GPC1: variants seen among roughly 807,000 people sequenced by gnomAD.
GPC1 encodes the protein glypican-1.
GPC1 carries 26 observed loss-of-function variants against 51.5 expected under a neutral mutation model. The ratio of observed to expected loss-of-function variants is 0.50; its 90% CI spans 0.37 to 0.70. The LOEUF is 0.70. Among genes scored for constraint, GPC1 ranks in the 30% least tolerant of loss-of-function variants. The probability of loss-of-function intolerance (pLI) is 0.00; values close to 1 mark genes in which losing one functional copy is unlikely to be tolerated. For missense variants in GPC1, 775 were observed against 800.5 expected (o/e 0.97, Z 0.38); for synonymous variants, 380 against 348.3 (o/e 1.09, Z -1.01).
intron 1 of GPC1, among the ~76,000 whole-genome samples, chr2:240,439,650 C>T (rs1480997631): frequency 6.6e-6 from 1 of 152,222 alleles, no homozygotes; most frequent in Non-Finnish European, 1.5e-5. Flanking sequence ...CTTCCCACAT[C>T]CCTGAAAGGG....
chr2:240,457,721 G>A (rs891234271), intron 1 of GPC1, among the ~76,000 whole-genome samples: 7 of 152,110 alleles, frequency 4.6e-5, no homozygotes, highest in African/African-American at 1.7e-4. Flanking sequence ...CCTCGGTCCC[G>A]GTCCTGGCTC....
chr2:240,435,706 G>T lies in GPC1; in HGVS notation c.-213G>T, dbSNP rs1230341204. On this transcript the variant is annotated 5_prime_UTR_variant, in exon 1 of 9. Coordinates refer to ENST00000264039, the MANE Select transcript of GPC1 (RefSeq NM_002081.3). ...TAGCCCGCCGCGCTCTGGGCTGCCC[G>T]AGCGAGCGTTCGGACCTCGCACCCC... The T allele has an allele frequency of 4.7e-6, 1 of 213,796 alleles. No individual in the cohort carries two copies. Among genetic ancestry groups the T allele is most frequent in the South Asian group, 1.6e-4 (1 of 6,134 alleles). 13.2% of individuals were successfully genotyped at this position (213,796 alleles called of 1,614,324 possible).
chr2:240,448,517 G>T lies in GPC1; in HGVS notation c.167-10513G>T, dbSNP rs1001164515. On this transcript the variant is annotated intron_variant, in intron 1 of 8. Coordinates refer to ENST00000264039, the MANE Select transcript of GPC1 (RefSeq NM_002081.3). The surrounding 1 kb of genome is among the most constrained non-coding windows in gnomAD (Gnocchi z 4.5). Reference sequence around the variant, plus strand: ...CCTGGGGGTGGAACTCTGAGCCTCCGGCTCTCCTCCGGCAGGTGGCTTCGG... The same window carrying T: ...CCTGGGGGTGGAACTCTGAGCCTCCTGCTCTCCTCCGGCAGGTGGCTTCGG... 6.6e-6 allele frequency among the ~76,000 whole-genome samples: 1 copy of T among 152,142 alleles called. No homozygotes were observed. Among genetic ancestry groups the T allele is most frequent in the African/African-American group, 2.4e-5 (1 of 41,450 alleles).
rs747975786 is a variant in GPC1 at position 240,445,594 on chromosome 2, GGTT to G, written c.166+9514_166+9516del. Among the ~76,000 whole-genome samples, 4 of 152,316 alleles carry G rather than the reference GGTT, an allele frequency of 2.6e-5. No individual in the cohort carries two copies. The South Asian group carries it at 6.2e-4, about 24-fold the overall frequency. On this transcript the variant is annotated intron_variant, in intron 1 of 8. Coordinates refer to ENST00000264039, the MANE Select transcript of GPC1 (RefSeq NM_002081.3). ...GTGGCCAAACACCAGCATGCAGGAG[GGTT>G]GTTCTAGATGCATCCATCCTTCTGT... is the stretch of plus-strand genomic sequence containing the variant.
At chr2:240,449,605 G>T (rs998667925) in intron 1 of GPC1, 1 of 268,768 alleles carries the variant, frequency 3.7e-6, no homozygotes, top group East Asian at 9.4e-5. Flanking sequence ...TTTCAGTGGC[G>T]TTCAGTCCAT....
chr2:240,457,428 A>T (rs749342784), intron 1 of GPC1: 11 of 470,478 alleles, frequency 2.3e-5, no homozygotes, highest in South Asian at 6.2e-5. Context: ...GAGGGTGCGG[A>T]AGATCAGCAA....
rs777157851 is a variant in GPC1 at position 240,464,576 on chromosome 2, CGTTAACGCCTGTGTGTCCGCGT to C, written c.884-27_884-6del. On this transcript the variant is annotated intron_variant, in intron 4 of 8. Coordinates refer to ENST00000264039, the MANE Select transcript of GPC1 (RefSeq NM_002081.3). ...GTGCGTGTCAACGCCTGTGTGCGCGCGTTAACGCCTGTGTGTCCGCGTGTTAACGCCTGTCCTAGACTCCATG... is the reference window on the plus strand; with the variant it reads ...GTGCGTGTCAACGCCTGTGTGCGCGCGTTAACGCCTGTCCTAGACTCCATG... 5 of 292,840 alleles carry C rather than the reference CGTTAACGCCTGTGTGTCCGCGT, an allele frequency of 1.7e-5. No individual in the cohort carries two copies. The African/African-American group carries it at 3.1e-4, about 18-fold the overall frequency. The allele number at this position is 292,840 out of a possible 1,614,324, so 18.1% of individuals were successfully genotyped here.
intron 8 of GPC1, 41 bp downstream of exon 8, chr2:240,465,689 T>C (rs1279980198): frequency 6.4e-7 from 1 of 1,573,734 alleles, no homozygotes; most frequent in Admixed American, 1.7e-5. Flanking sequence ...GGGCCAGGGT[T>C]GGTGGGGGTG....
chr2:240,457,450 C>T (rs1574772916), intron 1 of GPC1: 1 of 470,734 alleles, frequency 2.1e-6, no homozygotes, highest in Non-Finnish European at 4.4e-6. Context: ...CTCAGTCTGA[C>T]CCAGGCATTC....
rs751120591 is a variant in GPC1 at position 240,465,550 on chromosome 2, C to T, written c.1346C>T (p.Pro449Leu). The T allele has an allele frequency of 3.7e-6, 6 of 1,613,058 alleles. No homozygotes were observed. Among genetic ancestry groups the T allele is most frequent in the Non-Finnish European group, 4.2e-6 (5 of 1,179,992 alleles). Reference protein sequence around the residue: ...NPEVEVDITKPDMTIRQQIMQ... With the variant: ...NPEVEVDITKLDMTIRQQIMQ... ...GAGGTGGAGGTGGACATCACCAAGC[C>T]GGACATGACCATCCGGCAGCAGATC... The change falls in exon 8 of 9, where the codon CCG becomes CTG. Residue 449 changes from proline to leucine, a missense_variant. Pro to Leu is a moderately conservative substitution (Grantham distance 98). Coordinates refer to ENST00000264039, the MANE Select transcript of GPC1 (RefSeq NM_002081.3).
intron 2 of GPC1, among the ~76,000 whole-genome samples, chr2:240,460,948 C>A (rs1273767858): frequency 6.6e-6 from 1 of 152,166 alleles, no homozygotes; most frequent in Non-Finnish European, 1.5e-5. Flanking sequence ...CTGGCTGGAC[C>A]TCTGGTTGCT....
chr2:240,440,478 C>T (rs2074010928), intron 1 of GPC1, among the ~76,000 whole-genome samples: 1 of 152,236 alleles, frequency 6.6e-6, no homozygotes. Context: ...CCAGCCCGCT[C>T]TCCTGTCCTG....
chr2:240,441,656 G>A (rs1021152937), intron 1 of GPC1, among the ~76,000 whole-genome samples: 3 of 152,350 alleles, frequency 2.0e-5, no homozygotes, highest in South Asian at 2.1e-4. Flanking sequence ...CCGCCTGCCC[G>A]GAGCCTGGGC....
chr2:240,445,807 C>G (rs958822511), intron 1 of GPC1, among the ~76,000 whole-genome samples: 1 of 152,208 alleles, frequency 6.6e-6, no homozygotes, highest in Admixed American at 6.5e-5. Flanking sequence ...TGCCCCTCCA[C>G]GTTCGTAGCA....
chr2:240,435,736 G>T lies in GPC1; in HGVS notation c.-183G>T. ...AGCGTTCGGACCTCGCACCCCGCGC[G>T]CCCCGCGCCGCCGCCGCCGCCGGCT... On this transcript the variant is annotated 5_prime_UTR_variant, in exon 1 of 9. Transcript: ENST00000264039. The T allele has an allele frequency of 7.1e-6, 2 of 280,836 alleles. 1 individual carries two copies. Among genetic ancestry groups the T allele is most frequent in the Non-Finnish European group, 1.3e-5 (2 of 157,204 alleles). 17.4% of individuals were successfully genotyped at this position (280,836 alleles called of 1,614,324 possible).
chr2:240,438,082 G>A (rs909646615), intron 1 of GPC1, among the ~76,000 whole-genome samples: 20 of 152,300 alleles, frequency 1.3e-4, no homozygotes, highest in Non-Finnish European at 2.8e-4. Context: ...TGTCCACCCC[G>A]CGTGGGGAGT....
chr2:240,463,228 A>G, intron 3 of GPC1, 119 bp from the exon 4 acceptor site: 1 of 803,108 alleles, frequency 1.2e-6, no homozygotes, highest in Non-Finnish European at 2.0e-6. Flanking sequence ...GCTGGGGCAG[A>G]GCAGAGGCCT....
rs947254462 is a variant in GPC1 at position 240,467,030 on chromosome 2, AG to A, written c.*743del. On this transcript the variant is annotated 3_prime_UTR_variant, in exon 9 of 9. Coordinates refer to ENST00000264039, the MANE Select transcript of GPC1 (RefSeq NM_002081.3). Reference sequence around the variant, plus strand: ...GAGGGGAAGCTGGGCCCAAAGGCCCAGGGAGGCAGCGTGGGCTCTGCCAATG... The same window carrying A: ...GAGGGGAAGCTGGGCCCAAAGGCCCAGGAGGCAGCGTGGGCTCTGCCAATG... The A allele has an allele frequency of 2.6e-5, 4 of 152,298 alleles. No homozygotes were observed. The highest frequency in any genetic ancestry group is 6.5e-5 in the Admixed American group (1 of 15,292). 9.4% of individuals were successfully genotyped at this position (152,298 alleles called of 1,614,324 possible). A position where few individuals can be genotyped will look rare whatever the true frequency, so the allele number is the denominator to read the frequency against.
At position 240,435,845 on chromosome 2, in the gene GPC1, C is replaced by A. The variant is rs984880783; in HGVS notation, c.-74C>A. ...GGACCTTGGCTCTGCCCTTCGCGGG[C>A]GGGAACTGCGCAGGACCCGGCCAGG... On this transcript the variant is annotated 5_prime_UTR_variant, in exon 1 of 9. Transcript: ENST00000264039. 3 of 977,712 alleles carry A rather than the reference C, an allele frequency of 3.1e-6. No individual in the cohort carries two copies. The highest frequency in any genetic ancestry group is 5.0e-5 in the South Asian group (1 of 19,934). The allele number at this position is 977,712 out of a possible 1,614,324, so 60.6% of individuals were successfully genotyped here.
Sources: allele counts gnomAD v4.1 joint callset (sites outside exome capture counted in the v4.1 genomes callset), GRCh38; gene constraint gnomAD v4.1.1; non-coding constraint Gnocchi (gnomAD v3.1); transcripts MANE v1.5; gene names NCBI Gene and HGNC (gene_info 2026-07-23, HGNC 2026-07-21).